PROS1: variants seen among roughly 807,000 people sequenced by gnomAD.
PROS1 encodes the protein protein S, also known as vitamin K-dependent protein S.
In PROS1, 29 loss-of-function variants were observed where a neutral mutation model predicts 75.9. The observed-to-expected ratio is 0.38, with a 90% CI of 0.28 to 0.52. The LOEUF (loss-of-function observed/expected upper bound fraction) is 0.52. Ranked by LOEUF, PROS1 falls within the 20% of genes least tolerant of loss-of-function variation. The pLI is 0.83. For missense variants in PROS1, 680 were observed against 810.3 expected, an observed-to-expected ratio of 0.84 and a Z score of 1.95; for synonymous variants, 245 against 280.6, an observed-to-expected ratio of 0.87 and a Z score of 1.27.
intron 3 of PROS1, among the ~76,000 whole-genome samples, chr3:93,912,420 A>AG (rs956307617): frequency 6.6e-6 from 1 of 152,136 alleles, no homozygotes; most frequent in Non-Finnish European, 1.5e-5. Flanking sequence ...AACAGTCACA[A>AG]GTTCTAAGGA....
At chr3:93,883,462 C>T (rs767693353) in intron 12 of PROS1, among the ~76,000 whole-genome samples, 13 of 151,914 alleles carry the variant, frequency 8.6e-5, no homozygotes, top group South Asian at 4.2e-4. Context: ...GGCATGGTGG[C>T]GCACCCTTGT....
At chr3:93,951,209 G>A (rs1462626481) in intron 1 of PROS1, among the ~76,000 whole-genome samples, 1 of 152,116 alleles carries the variant, frequency 6.6e-6, no homozygotes, top group Non-Finnish European at 1.5e-5. Flanking sequence ...AACCTAGCAA[G>A]GCAGGCCAAC....
At chr3:93,901,496 AG>A (rs1265314040) in intron 6 of PROS1, among the ~76,000 whole-genome samples, 1 of 152,234 alleles carries the variant, frequency 6.6e-6, no homozygotes, top group African/African-American at 2.4e-5. Context: ...CAAATGAAGA[AG>A]GAGATAACAT....
rs143965112 is a variant in PROS1, at chr3:93,901,991, A to C, written c.602-1062T>G. ...AAGTAAGCCTGAGCAACAGTGGGAC[A>C]CTGTCTCTACAAAGTTTTTTTTCTT... is the stretch of plus-strand genomic sequence containing the variant. On this transcript the variant is annotated intron_variant, in intron 6 of 14. Transcript: ENST00000394236. Among the ~76,000 whole-genome samples the C allele has an allele frequency of 3.0e-4, 45 of 152,338 alleles. 1 individual carries two copies. In the East Asian group the frequency reaches 8.7e-3, roughly 29 times the overall value.
chr3:93,928,011 A>ATATATATT lies in PROS1; in HGVS notation c.77-605_77-604insAATATATA, dbSNP rs1235149837. Among the ~76,000 whole-genome samples the ATATATATT allele has an allele frequency of 6.7e-3, 298 of 44,476 alleles. 24 individuals carry two copies. The highest frequency in any genetic ancestry group is 0.017 in the Middle Eastern group (1 of 60). The allele number at this position is 44,476 out of a possible 152,430, so 29.2% of individuals were successfully genotyped here. A position where few individuals can be genotyped will look rare whatever the true frequency, so the allele number is the denominator to read the frequency against. ...TGTGTGTGTATATATATATATATAT[A>ATATATATT]TTTTTTTTTTTTTTTTTTTTTGAGA... is the stretch of plus-strand genomic sequence containing the variant. On this transcript the variant is annotated intron_variant, in intron 1 of 14. Transcript: ENST00000394236.
At chr3:93,894,138 A>G (rs936900610) in intron 9 of PROS1, among the ~76,000 whole-genome samples, 6 of 152,296 alleles carry the variant, frequency 3.9e-5, no homozygotes, top group Admixed American at 1.3e-4. Context: ...GATAATTGCT[A>G]TATTAGGCAG....
At chr3:93,914,221 T>C (rs1284155969) in intron 3 of PROS1, among the ~76,000 whole-genome samples, 2 of 152,204 alleles carry the variant, frequency 1.3e-5, no homozygotes, top group Non-Finnish European at 2.9e-5. Flanking sequence ...CACTAGGCAT[T>C]GCCCTGGTGG....
At chr3:93,885,018 G>C (rs1708326669) in intron 11 of PROS1, 122 bp from the exon 12 acceptor site, 1 of 889,728 alleles carries the variant, frequency 1.1e-6, no homozygotes, top group African/African-American at 1.7e-5. Context: ...AAAATATTTT[G>C]AATTTTATTT....
rs6121 is a variant in PROS1, at chr3:93,927,256, C to A, written c.228G>T (p.Pro76=). Reference sequence around the variant, plus strand: ...AGTTTCCATAAATGCTTACCGTTTCCGGGTCATTTTCAAAGACCTCCCTGG... The same window carrying A: ...AGTTTCCATAAATGCTTACCGTTTCAGGGTCATTTTCAAAGACCTCCCTGG... ...EEAREVFEND[P]ETDYFYPKYL... is the part of the protein sequence containing the mutation. Residue 76 remains proline, a synonymous_variant, in exon 2 of 15, where the codon CCG becomes CCT. Transcript: ENST00000394236. The A allele has an allele frequency of 9.9e-6, 16 of 1,612,264 alleles. No homozygotes were observed. The highest frequency in any genetic ancestry group is 3.3e-5 in the South Asian group (3 of 91,002).
At chr3:93,943,999 C>G (rs572762080) in intron 1 of PROS1, among the ~76,000 whole-genome samples, 2 of 152,200 alleles carry the variant, frequency 1.3e-5, no homozygotes, top group East Asian at 3.9e-4. Context: ...CCTGCCTGCA[C>G]CTAGGTGATT....
intron 1 of PROS1, among the ~76,000 whole-genome samples, chr3:93,957,315 T>C (rs982446479): frequency 1.3e-5 from 2 of 152,230 alleles, no homozygotes; most frequent in African/African-American, 2.4e-5. Context: ...TAGAAGAACA[T>C]AGAGCAAAAT....
rs144158422 is a variant in PROS1, at chr3:93,895,263, T to G, written c.965+1313A>C. ...ATCCACAGATGAGGAACTCAAGGAT[T>G]TGGAGGATCAATTGTATTCCTAAAA... On this transcript the variant is annotated intron_variant, in intron 9 of 14. Coordinates refer to ENST00000394236, the MANE Select transcript of PROS1 (RefSeq NM_000313.4). Among the ~76,000 whole-genome samples the G allele has an allele frequency of 5.6e-4, 86 of 152,324 alleles. 1 individual carries two copies. In the East Asian group the frequency reaches 0.014, roughly 25 times the overall value.
At chr3:93,939,766 C>T (rs192069657) in intron 1 of PROS1, among the ~76,000 whole-genome samples, 1 of 152,066 alleles carries the variant, frequency 6.6e-6, no homozygotes, top group Non-Finnish European at 1.5e-5. Context: ...ACCCTAGACC[C>T]TAAAAGGTCA....
chr3:93,931,169 T>G (rs1334705512), intron 1 of PROS1, among the ~76,000 whole-genome samples: 1 of 152,188 alleles, frequency 6.6e-6, no homozygotes, highest in Non-Finnish European at 1.5e-5. Flanking sequence ...TATTTTCCTA[T>G]TGAAGAAATT....
At chr3:93,891,961 T>G (rs1708437263) in intron 10 of PROS1, among the ~76,000 whole-genome samples, 1 of 152,192 alleles carries the variant, frequency 6.6e-6, no homozygotes, top group Admixed American at 6.5e-5. Flanking sequence ...CTTGTTACTA[T>G]GTTTATTTCT....
At chr3:93,877,231 A>G (rs1708204639) in intron 13 of PROS1, 40 bp from the exon 14 acceptor site, 7 of 1,450,956 alleles carry the variant, frequency 4.8e-6, no homozygotes, top group Non-Finnish European at 6.8e-6. Flanking sequence ...GCAAGGAGTA[A>G]GAGTAATGCT....
Position 93,951,729 on chromosome 3 carries a change from C to T in PROS1, c.76+21945G>A, listed in dbSNP as rs142453783. On this transcript the variant is annotated intron_variant, in intron 1 of 14. Coordinates refer to ENST00000394236, the MANE Select transcript of PROS1 (RefSeq NM_000313.4). ...CAGTTAACATCATAATGAAACATAACAATATTAACCTTAAATGCAAATGGG... is the reference window on the plus strand; with the variant it reads ...CAGTTAACATCATAATGAAACATAATAATATTAACCTTAAATGCAAATGGG... 2.6e-5 allele frequency among the ~76,000 whole-genome samples: 4 copies of T among 151,854 alleles called. No homozygotes were observed. The East Asian group carries it at 5.8e-4, about 22-fold the overall frequency.
chr3:93,917,702 C>A (rs1186648543), intron 3 of PROS1, among the ~76,000 whole-genome samples: 2 of 152,142 alleles, frequency 1.3e-5, no homozygotes, highest in Non-Finnish European at 2.9e-5. Flanking sequence ...GCCCTGCCAG[C>A]AGGGGCAATG....
At chr3:93,905,650 G>A in intron 6 of PROS1, 134 bp downstream of exon 6, 1 of 944,408 alleles carries the variant, frequency 1.1e-6, no homozygotes, top group East Asian at 2.6e-5. Flanking sequence ...GTATCACAAG[G>A]CTTCAATGTC....
Sources: gnomAD v4.1 joint callset for allele counts (sites outside exome capture counted in the v4.1 genomes callset) on GRCh38, gnomAD v4.1.1 for gene constraint, MANE v1.5 for transcripts, NCBI Gene and HGNC (gene_info 2026-07-23, HGNC 2026-07-21) for gene names.